The following ADGRF5 variants were observed in gnomAD, a reference collection of about 807,000 sequenced individuals.
ADGRF5 encodes G-protein coupled receptor 116.
ADGRF5 carries 75 observed loss-of-function variants against 132.3 expected under a neutral mutation model. The ratio of observed to expected loss-of-function variants is 0.57; its 90% CI spans 0.47 to 0.69. ADGRF5 has a LOEUF of 0.69. ADGRF5 is among the 30% of genes least tolerant of loss of function. ADGRF5 has a pLI of 0.00. For synonymous variants in ADGRF5, 629 were observed against 597.6 expected, an observed-to-expected ratio of 1.05 and a Z score of -0.77; for missense variants, 1,516 against 1,630.6, an observed-to-expected ratio of 0.93 and a Z score of 1.21.
At chr6:46,901,806 T>A (rs752258331) in intron 2 of ADGRF5, among the ~76,000 whole-genome samples, 91 of 152,046 alleles carry the variant, frequency 6.0e-4, no homozygotes, top group Non-Finnish European at 7.9e-4. Flanking sequence ...CTCTTCCTAT[T>A]CCCTCCTCCT....
chr6:46,879,219 A>G (rs1351704291), intron 9 of ADGRF5, among the ~76,000 whole-genome samples: 1 of 151,102 alleles, frequency 6.6e-6, no homozygotes, highest in Non-Finnish European at 1.5e-5. Context: ...AAATAATTAT[A>G]TTATATACTA....
At chr6:46,904,244 T>G (rs1775080480) in intron 2 of ADGRF5, among the ~76,000 whole-genome samples, 1 of 152,264 alleles carries the variant, frequency 6.6e-6, no homozygotes, top group South Asian at 2.1e-4. Flanking sequence ...CCCACATGTG[T>G]ATATTCACGT....
intron 1 of ADGRF5, among the ~76,000 whole-genome samples, chr6:46,920,619 T>C (rs992994385): frequency 2.6e-5 from 4 of 151,934 alleles, no homozygotes; most frequent in African/African-American, 9.7e-5. Flanking sequence ...TTCCAGCATT[T>C]TGGGAGGCCG....
intron 10 of ADGRF5, among the ~76,000 whole-genome samples, chr6:46,877,056 A>C (rs2150824525): frequency 6.6e-6 from 1 of 152,352 alleles, no homozygotes; most frequent in Non-Finnish European, 1.5e-5. Flanking sequence ...TTGTTTCTTA[A>C]GAGAAGAGTT....
chr6:46,891,331 C>T (rs1773617563), intron 3 of ADGRF5, among the ~76,000 whole-genome samples: 1 of 152,176 alleles, frequency 6.6e-6, no homozygotes, highest in Non-Finnish European at 1.5e-5. Flanking sequence ...TAACTATGGA[C>T]ACATTATGTG....
In ADGRF5 at chr6:46,860,712, C is replaced by T. The variant is rs1562144396; in HGVS notation, c.2379+3G>A. The T allele has an allele frequency of 6.2e-7, 1 of 1,608,888 alleles. No homozygotes were observed. The highest frequency in any genetic ancestry group is 8.5e-7 in the Non-Finnish European group (1 of 1,176,036). ...AACTCCTGCAAAGGTTAAGCAAACT[C>T]ACCGTCATCATTTCTGAATTTACTT... On this transcript the variant is annotated splice_donor_region_variant and intron_variant, in intron 16 of 20. Coordinates refer to ENST00000283296, the MANE Select transcript of ADGRF5 (RefSeq NM_001098518.2).
At chr6:46,903,883 T>C (rs185795022) in intron 2 of ADGRF5, among the ~76,000 whole-genome samples, 348 of 152,320 alleles carry the variant, frequency 2.3e-3, no homozygotes, top group Non-Finnish European at 3.2e-3. Context: ...GTGGGTTGCA[T>C]GTAGAACATT....
chr6:46,930,511 G>C (rs1165125149), intron 1 of ADGRF5, among the ~76,000 whole-genome samples: 1 of 151,972 alleles, frequency 6.6e-6, no homozygotes, highest in Non-Finnish European at 1.5e-5. Flanking sequence ...GGACAATGAG[G>C]GTAGAAAGAA....
At chr6:46,909,361 C>T (rs1775706737) in intron 1 of ADGRF5, among the ~76,000 whole-genome samples, 1 of 152,162 alleles carries the variant, frequency 6.6e-6, no homozygotes, top group Admixed American at 6.5e-5. Flanking sequence ...AAATTAAAAT[C>T]CAGGACACTC....
intron 1 of ADGRF5, among the ~76,000 whole-genome samples, chr6:46,918,983 G>A (rs1003257026): frequency 6.6e-6 from 1 of 152,128 alleles, no homozygotes; most frequent in Non-Finnish European, 1.5e-5. Context: ...ACCATGCCCT[G>A]GCCCCATCCT....
intron 3 of ADGRF5, among the ~76,000 whole-genome samples, chr6:46,892,346 CTAAAG>C (rs1364115347): frequency 1.3e-5 from 2 of 152,098 alleles, no homozygotes; most frequent in East Asian, 1.9e-4. Context: ...TATACAATTC[CTAAAG>C]TAAATTCTAA....
At chr6:46,883,187 G>A (rs1772669287) in intron 6 of ADGRF5, among the ~76,000 whole-genome samples, 1 of 152,134 alleles carries the variant, frequency 6.6e-6, no homozygotes, top group Admixed American at 6.5e-5. Context: ...CTCAGCCACG[G>A]GTTGGTCTGC....
At chr6:46,882,861 G>A (rs1240350482) in intron 6 of ADGRF5, among the ~76,000 whole-genome samples, 1 of 152,202 alleles carries the variant, frequency 6.6e-6, no homozygotes, top group Non-Finnish European at 1.5e-5. Context: ...ATGAGCAGGA[G>A]GGTGCTGACA....
chr6:46,872,852 A>G (rs1299296930), intron 10 of ADGRF5, among the ~76,000 whole-genome samples: 3 of 152,230 alleles, frequency 2.0e-5, no homozygotes, highest in Non-Finnish European at 4.4e-5. Flanking sequence ...AGGAAAAAGA[A>G]TAAGCCTTTT....
At chr6:46,857,260 A>G (rs1769163173) in intron 17 of ADGRF5, among the ~76,000 whole-genome samples, 1 of 152,190 alleles carries the variant, frequency 6.6e-6, no homozygotes, top group South Asian at 2.1e-4. Context: ...CTTCCAAATG[A>G]GGCATATCAT....
chr6:46,877,744 AT>A (rs1771976975), intron 10 of ADGRF5, among the ~76,000 whole-genome samples: 1 of 152,154 alleles, frequency 6.6e-6, no homozygotes, highest in African/African-American at 2.4e-5. Flanking sequence ...GATAGAAAAT[AT>A]TGAGGTATGC....
Position 46,939,323 on chromosome 6 carries a change from A to G in ADGRF5, c.-25+15411T>C, listed in dbSNP as rs536621180. Among the ~76,000 whole-genome samples the G allele has an allele frequency of 5.3e-5, 8 of 152,266 alleles. No homozygotes were observed. In the South Asian group the frequency reaches 1.7e-3, roughly 32 times the overall value. ...TCTGGATTGGGGACAGGCAGGGCTGAAGCTTAAGGAGGGCTCAAGGTGGGC... is the reference window on the plus strand; with the variant it reads ...TCTGGATTGGGGACAGGCAGGGCTGGAGCTTAAGGAGGGCTCAAGGTGGGC... On this transcript the variant is annotated intron_variant, in intron 1 of 20. Coordinates refer to the ADGRF5 transcript ENST00000265417.
Position 46,862,892 on chromosome 6 carries a change from G to A in ADGRF5, c.2195C>T (p.Ala732Val), listed in dbSNP as rs776935511. The A allele has an allele frequency of 1.2e-6, 2 of 1,602,868 alleles. No individual in the cohort carries two copies. The highest frequency in any genetic ancestry group is 2.7e-5 in the African/African-American group (2 of 74,340). ...SAPINSLLQM[A>V]KALIKSPSQD... ...AGTGGAAGCTTTAAGGATCACCTTA[G>A]CCATCTGGAGCAGACTGTTTATTGG... Residue 732 changes from alanine (A) to valine (V), a missense_variant, in exon 15 of 21, where the codon GCT (alanine) becomes GTT (valine). Physicochemically the swap from Ala to Val is moderately conservative, Grantham distance 64. Coordinates refer to ENST00000283296, the MANE Select transcript of ADGRF5 (RefSeq NM_001098518.2).
chr6:46,938,026 TG>T (rs1777914523), intron 1 of ADGRF5, among the ~76,000 whole-genome samples: 2 of 152,274 alleles, frequency 1.3e-5, no homozygotes, highest in South Asian at 4.1e-4. Context: ...GCTAATAAGT[TG>T]GGGGGTAGGG....
Sources: allele counts gnomAD v4.1 joint callset (sites outside exome capture counted in the v4.1 genomes callset), GRCh38; gene constraint gnomAD v4.1.1; transcripts MANE v1.5; gene names NCBI Gene and HGNC (gene_info 2026-07-23, HGNC 2026-07-21).